PRTG: variants seen among roughly 807,000 people sequenced by gnomAD.
PRTG encodes the protein immunoglobulin superfamily, DCC subclass, member 5.
Under a neutral mutation model 122.5 loss-of-function variants are expected in PRTG, and 67 were observed. The ratio of observed to expected loss-of-function variants is 0.55; its 90% CI spans 0.45 to 0.67. The LOEUF is 0.67. Ranked by LOEUF, PRTG falls within the 30% of genes least tolerant of loss-of-function variation. The probability of loss-of-function intolerance (pLI) is 0.00; values close to 1 mark genes in which losing one functional copy is unlikely to be tolerated. For synonymous variants in PRTG, 554 were observed against 501.1 expected (o/e 1.11, Z -1.41); for missense variants, 1,435 against 1,415.4 (o/e 1.01, Z -0.22).
At chr15:55,735,483 T>C (rs774875735) in intron 2 of PRTG, among the ~76,000 whole-genome samples, 1 of 152,008 alleles carries the variant, frequency 6.6e-6, no homozygotes, top group Non-Finnish European at 1.5e-5. Context: ...ACTTCATCAA[T>C]AGACCCAGCT....
intron 2 of PRTG, among the ~76,000 whole-genome samples, chr15:55,724,971 G>A (rs1228477973): frequency 6.6e-6 from 1 of 152,144 alleles, no homozygotes; most frequent in Admixed American, 6.5e-5. Flanking sequence ...CAAAGCCATA[G>A]GAAGAAATAA....
chr15:55,658,749 C>T (rs572044562), intron 11 of PRTG, among the ~76,000 whole-genome samples: 29 of 152,148 alleles, frequency 1.9e-4, no homozygotes, highest in Non-Finnish European at 3.8e-4. Flanking sequence ...TTTACATTCT[C>T]GCTTTTAGTA....
intron 2 of PRTG, among the ~76,000 whole-genome samples, chr15:55,723,144 C>T (rs1229431599): frequency 6.6e-6 from 1 of 152,034 alleles, no homozygotes; most frequent in Non-Finnish European, 1.5e-5. Context: ...CGGCATGCCA[C>T]AGAAGCATAA....
At chr15:55,679,173 G>T in intron 7 of PRTG, 113 bp downstream of exon 7, 1 of 669,554 alleles carries the variant, frequency 1.5e-6, no homozygotes, top group Non-Finnish European at 2.5e-6. Flanking sequence ...GTTTCATTTT[G>T]TTAATAACTA....
intron 1 of PRTG, among the ~76,000 whole-genome samples, chr15:55,741,489 A>C (rs1252483146): frequency 6.6e-6 from 1 of 152,242 alleles, no homozygotes; most frequent in Non-Finnish European, 1.5e-5. Context: ...GAGCAGAGGA[A>C]AGGCTTTATC....
intron 2 of PRTG, among the ~76,000 whole-genome samples, chr15:55,696,661 TAATAAA>T (rs1399954836): frequency 6.6e-6 from 1 of 152,186 alleles, no homozygotes; most frequent in Middle Eastern, 3.2e-3. Context: ...ATCATCTGCT[TAATAAA>T]AATAATGTAA....
chr15:55,642,483 G>A (rs986804140), intron 11 of PRTG, among the ~76,000 whole-genome samples: 1 of 151,638 alleles, frequency 6.6e-6, no homozygotes, highest in Non-Finnish European at 1.5e-5. Flanking sequence ...CGGACGTGAT[G>A]GCACATGCCA....
rs978639754 is a variant in PRTG at position 55,616,553 on chromosome 15, T to C, written c.*3459A>G. ...ATCACATCATTTGGCAAAAACATCATGTGGCTGAATCACAGATTAAATGGA... is the reference window on the plus strand; with the variant it reads ...ATCACATCATTTGGCAAAAACATCACGTGGCTGAATCACAGATTAAATGGA... On this transcript the variant is annotated 3_prime_UTR_variant, in exon 20 of 20. Transcript: ENST00000389286. 3 of 152,160 alleles carry C rather than the reference T, an allele frequency of 2.0e-5. No individual in the cohort carries two copies. The highest frequency in any genetic ancestry group is 2.9e-5 in the Non-Finnish European group (2 of 68,000). The allele number at this position is 152,160 out of a possible 1,614,324, so 9.4% of individuals were successfully genotyped here.
intron 2 of PRTG, among the ~76,000 whole-genome samples, chr15:55,726,026 T>C (rs1595679707): frequency 6.6e-6 from 1 of 151,972 alleles, no homozygotes; most frequent in Admixed American, 6.6e-5. Context: ...TCACTGCAAC[T>C]TCCGCCTCCC....
intron 11 of PRTG, among the ~76,000 whole-genome samples, chr15:55,671,504 CTTTTTTT>C (rs1468283847): frequency 6.6e-6 from 1 of 151,726 alleles, no homozygotes; most frequent in African/African-American, 2.4e-5. Context: ...TTTCTTTTTT[CTTTTTTT>C]TGAGACAGAA....
intron 7 of PRTG, among the ~76,000 whole-genome samples, 178 bp downstream of exon 7, chr15:55,679,104 GTATT>G (rs1239916199): frequency 1.3e-5 from 2 of 152,100 alleles, no homozygotes; most frequent in East Asian, 3.8e-4. Flanking sequence ...ATACCAATGA[GTATT>G]TAGCATAGCA....
Position 55,742,819 on chromosome 15 carries a change from C to T in PRTG, c.94+19G>A. On this transcript the variant is annotated intron_variant, in intron 1 of 19. Coordinates refer to ENST00000389286, the MANE Select transcript of PRTG (RefSeq NM_173814.6). ...CCCGCCCCACAGCGGTAAGAGAAAG[C>T]AGAAGAAAGCGCGCCCACCTGGCAA... The T allele has an allele frequency of 6.5e-7, 1 of 1,540,784 alleles. No homozygotes were observed. The highest frequency in any genetic ancestry group is 2.5e-5 in the East Asian group (1 of 39,572).
At chr15:55,663,991 A>C (rs2059423955) in intron 11 of PRTG, among the ~76,000 whole-genome samples, 1 of 152,226 alleles carries the variant, frequency 6.6e-6, no homozygotes, top group African/African-American at 2.4e-5. Flanking sequence ...TTTACTGCTG[A>C]GGAGTATTCC....
Position 55,680,515 on chromosome 15 carries a change from G to C in PRTG, c.790C>G (p.Pro264Ala), listed in dbSNP as rs370970414. The change falls in exon 5 of 20, where the codon CCA becomes GCA. Residue 264 changes from proline to alanine, a missense_variant. Pro to Ala is a conservative substitution (Grantham distance 27). Coordinates refer to ENST00000389286, the MANE Select transcript of PRTG (RefSeq NM_173814.6). ...CCAAGGCGGCTCCAAGAAATGATTGGTTTGGGATTTCCTGTGGCCATGCAT... is the reference window on the plus strand; with the variant it reads ...CCAAGGCGGCTCCAAGAAATGATTGCTTTGGGATTTCCTGTGGCCATGCAT... ...LECMATGNPK[P>A]IISWSRLDHK... The C allele has an allele frequency of 2.1e-5, 33 of 1,599,568 alleles. No individual in the cohort carries two copies. The highest frequency in any genetic ancestry group is 2.7e-5 in the Non-Finnish European group (32 of 1,173,186).
intron 2 of PRTG, among the ~76,000 whole-genome samples, chr15:55,691,452 G>A: frequency 6.6e-6 from 1 of 152,082 alleles, no homozygotes; most frequent in East Asian, 1.9e-4. Context: ...GGAGGCCAAG[G>A]AGGGTGGATC....
At chr15:55,646,900 C>T (rs2059327385) in intron 11 of PRTG, among the ~76,000 whole-genome samples, 1 of 152,166 alleles carries the variant, frequency 6.6e-6, no homozygotes, top group Non-Finnish European at 1.5e-5. Flanking sequence ...TATGGCTGTA[C>T]TCTCCATCTT....
chr15:55,643,827 G>A (rs2059305799), intron 11 of PRTG, among the ~76,000 whole-genome samples: 1 of 151,824 alleles, frequency 6.6e-6, no homozygotes, highest in African/African-American at 2.4e-5. Context: ...AAATACATGT[G>A]CCTCTGTCAA....
chr15:55,679,261 A>T (rs1281464844), intron 7 of PRTG, 25 bp downstream of exon 7: 1 of 1,534,406 alleles, frequency 6.5e-7, no homozygotes, highest in Non-Finnish European at 9.0e-7. Flanking sequence ...CATATATAAA[A>T]TGGTAGCAAA....
chr15:55,692,623 C>T (rs2059610032), intron 2 of PRTG, among the ~76,000 whole-genome samples: 1 of 151,786 alleles, frequency 6.6e-6, no homozygotes, highest in Non-Finnish European at 1.5e-5. Flanking sequence ...GGACTAATAA[C>T]AGAAACAACT....
Sources: gnomAD v4.1 joint callset for allele counts (sites outside exome capture counted in the v4.1 genomes callset) on GRCh38, gnomAD v4.1.1 for gene constraint, MANE v1.5 for transcripts, NCBI Gene and HGNC (gene_info 2026-07-23, HGNC 2026-07-21) for gene names.